ITGBL1: variants seen among roughly 807,000 people sequenced by gnomAD.
ITGBL1 encodes integrin subunit beta like 1, also known as integrin beta-like protein 1.
Under a neutral mutation model 68.5 loss-of-function variants are expected in ITGBL1, and 51 were observed. The observed-to-expected ratio is 0.74, with a 90% confidence interval of 0.59 to 0.94. The LOEUF is 0.94. Ranked by LOEUF, ITGBL1 falls within the 40% of genes least tolerant of loss-of-function variation. ITGBL1 has a pLI of 0.00. For missense variants in ITGBL1, 649 were observed against 647.4 expected (o/e 1.00, Z -0.03); for synonymous variants, 209 against 227.3 (o/e 0.92, Z 0.72).
At chr13:101,618,966 C>G (rs1478844687) in intron 7 of ITGBL1, among the ~76,000 whole-genome samples, 2 of 151,888 alleles carry the variant, frequency 1.3e-5, no homozygotes, top group Non-Finnish European at 2.9e-5. Context: ...TTTGGGTCAC[C>G]ACTGGGGGCA....
intron 2 of ITGBL1, among the ~76,000 whole-genome samples, chr13:101,493,688 G>A (rs1208696919): frequency 6.6e-6 from 1 of 152,172 alleles, no homozygotes; most frequent in Non-Finnish European, 1.5e-5. Context: ...ATGACAAAAT[G>A]TCCTTGCACC....
At chr13:101,662,546 A>C (rs1000697656) in intron 7 of ITGBL1, among the ~76,000 whole-genome samples, 2 of 152,000 alleles carry the variant, frequency 1.3e-5, no homozygotes, top group Non-Finnish European at 2.9e-5. Context: ...AATCACATAC[A>C]TTTGGTTGTT....
intron 7 of ITGBL1, among the ~76,000 whole-genome samples, chr13:101,655,941 T>G (rs2032907392): frequency 1.3e-5 from 2 of 152,174 alleles, no homozygotes; most frequent in South Asian, 2.1e-4. Context: ...TGAGAACATG[T>G]GTCGAAGGTA....
intron 2 of ITGBL1, among the ~76,000 whole-genome samples, chr13:101,531,764 G>A (rs1012137600): frequency 6.7e-6 from 1 of 148,870 alleles, no homozygotes; most frequent in Non-Finnish European, 1.5e-5. Flanking sequence ...ACGGAGTCTC[G>A]CTCTGTGGCT....
chr13:101,560,206 A>T (rs544723409), intron 2 of ITGBL1, among the ~76,000 whole-genome samples: 5 of 152,210 alleles, frequency 3.3e-5, no homozygotes, highest in Non-Finnish European at 7.3e-5. Flanking sequence ...GAGAAGGCTT[A>T]GGAATCTATG....
At chr13:101,561,319 C>T (rs1053724190) in intron 2 of ITGBL1, among the ~76,000 whole-genome samples, 2 of 152,064 alleles carry the variant, frequency 1.3e-5, no homozygotes, top group Admixed American at 1.3e-4. Flanking sequence ...AAGAGAGGAG[C>T]AGCTCCTCCA....
chr13:101,465,188 C>G (rs1187109919), intron 2 of ITGBL1, among the ~76,000 whole-genome samples: 3 of 151,954 alleles, frequency 2.0e-5, no homozygotes, highest in Non-Finnish European at 4.4e-5. Context: ...AAAACAGCTT[C>G]TTTTCTTTTT....
intron 2 of ITGBL1, among the ~76,000 whole-genome samples, chr13:101,539,993 T>G (rs2049661699): frequency 1.3e-5 from 2 of 152,220 alleles, no homozygotes; most frequent in African/African-American, 2.4e-5. Flanking sequence ...TTTCTCCCAT[T>G]CTGTAGGTTG....
intron 7 of ITGBL1, among the ~76,000 whole-genome samples, chr13:101,648,811 G>A (rs1026040087): frequency 6.6e-6 from 1 of 152,032 alleles, no homozygotes; most frequent in Non-Finnish European, 1.5e-5. Context: ...ATAGAAGCTA[G>A]GTTAGTGGTG....
intron 2 of ITGBL1, among the ~76,000 whole-genome samples, chr13:101,530,359 A>G (rs9557685): frequency 0.21 from 31,409 of 152,120 alleles, 3,814 homozygotes; most frequent in East Asian, 0.46. Flanking sequence ...CTAGTATCTT[A>G]TAAGTAAGAG....
intron 2 of ITGBL1, among the ~76,000 whole-genome samples, chr13:101,556,402 C>T (rs1023627705): frequency 2.8e-4 from 42 of 151,970 alleles, no homozygotes; most frequent in Admixed American, 9.8e-4. Flanking sequence ...TTTGGGAGGC[C>T]GAGGCAGGCG....
chr13:101,568,262 A>G (rs2050213928), intron 3 of ITGBL1, among the ~76,000 whole-genome samples: 1 of 152,212 alleles, frequency 6.6e-6, no homozygotes, highest in African/African-American at 2.4e-5. Flanking sequence ...AGTTTCAGAT[A>G]TACTGGTTAT....
At chr13:101,621,191 GT>G (rs541363716) in intron 7 of ITGBL1, among the ~76,000 whole-genome samples, 162 of 152,246 alleles carry the variant, frequency 1.1e-3, no homozygotes, top group African/African-American at 3.9e-3. Flanking sequence ...GAAAATATCT[GT>G]TTGAATAAAT....
At chr13:101,541,018 C>T (rs1349472408) in intron 2 of ITGBL1, among the ~76,000 whole-genome samples, 3 of 124,756 alleles carry the variant, frequency 2.4e-5, no homozygotes, top group Non-Finnish European at 3.4e-5. Flanking sequence ...AATTTGACTT[C>T]CTCTTTTCCT....
Position 101,692,616 on chromosome 13 carries a change from TC to T in ITGBL1, c.1049del (p.Pro350LeufsTer57), listed in dbSNP as rs2033904797. On this transcript the variant is annotated frameshift_variant, in exon 8 of 11. Coordinates refer to ENST00000376180, the MANE Select transcript of ITGBL1 (RefSeq NM_004791.3). LOFTEE classifies it high-confidence loss of function. ...GTGAATGTGGCAAATGCACCTGCTA[TC>T]CTCCAGGAGATCGCCGGGTGTATGG... ...KCECGKCTCY[P>X]PGDRRVYGKT... 1 of 1,613,666 alleles carries T rather than the reference TC, an allele frequency of 6.2e-7. No homozygotes were observed. Among genetic ancestry groups the T allele is most frequent in the African/African-American group, 1.3e-5 (1 of 74,894 alleles).
chr13:101,571,549 T>C (rs2050272962), intron 3 of ITGBL1, among the ~76,000 whole-genome samples: 1 of 152,110 alleles, frequency 6.6e-6, no homozygotes, highest in Admixed American at 6.6e-5. Context: ...CTTCTAAAAG[T>C]CATAACTATG....
chr13:101,676,641 G>T (rs2033510239), intron 7 of ITGBL1, among the ~76,000 whole-genome samples: 1 of 152,086 alleles, frequency 6.6e-6, no homozygotes, highest in Non-Finnish European at 1.5e-5. Flanking sequence ...CTTTTCTCTA[G>T]TATCTTGGCC....
At chr13:101,544,642 G>A (rs1046428304) in intron 2 of ITGBL1, among the ~76,000 whole-genome samples, 7 of 152,264 alleles carry the variant, frequency 4.6e-5, no homozygotes, top group African/African-American at 1.2e-4. Flanking sequence ...GCTATGCCCC[G>A]CCCCCAGAGG....
chr13:101,497,588 C>T (rs1379472999), intron 2 of ITGBL1, among the ~76,000 whole-genome samples: 2 of 152,138 alleles, frequency 1.3e-5, no homozygotes. Context: ...AAGCTGGAAA[C>T]GAAAGACAAG....
Sources: allele counts gnomAD v4.1 joint callset (sites outside exome capture counted in the v4.1 genomes callset), GRCh38; gene constraint gnomAD v4.1.1; transcripts MANE v1.5; gene names NCBI Gene and HGNC (gene_info 2026-07-23, HGNC 2026-07-21).